MACROD2: variants seen among roughly 807,000 people sequenced by gnomAD.
MACROD2 encodes ADP-ribose glycohydrolase MACROD2.
In MACROD2, 36 loss-of-function variants were observed where a neutral mutation model predicts 70.4. That is an observed-to-expected ratio of 0.51 (90% CI 0.39 to 0.68). The LOEUF is 0.68. Ranked by LOEUF, MACROD2 falls within the 30% of genes least tolerant of loss-of-function variation. The probability of loss-of-function intolerance (pLI) is 0.00; values close to 1 mark genes in which losing one functional copy is unlikely to be tolerated. For missense variants in MACROD2, 496 were observed against 538.4 expected (o/e 0.92, Z 0.78); for synonymous variants, 172 against 178.8 (o/e 0.96, Z 0.30).
intron 3 of MACROD2, among the ~76,000 whole-genome samples, chr20:14,164,090 T>A (rs1339210459): frequency 6.6e-6 from 1 of 152,114 alleles, no homozygotes; most frequent in African/African-American, 2.4e-5. Flanking sequence ...TTTTTGAGTT[T>A]GCTTTATAGG....
chr20:15,436,196 G>C (rs1600408786), intron 7 of MACROD2, among the ~76,000 whole-genome samples: 1 of 151,674 alleles, frequency 6.6e-6, no homozygotes, highest in Non-Finnish European at 1.5e-5. Context: ...CCGTTTTCAT[G>C]CTGCCGATAA....
chr20:14,697,213 C>T (rs910261027), intron 5 of MACROD2, among the ~76,000 whole-genome samples: 5 of 152,242 alleles, frequency 3.3e-5, no homozygotes, highest in Non-Finnish European at 5.9e-5. Flanking sequence ...TCCATATGTC[C>T]GGGATATGTC....
intron 2 of MACROD2, among the ~76,000 whole-genome samples, chr20:14,046,499 G>T (rs764695080): frequency 5.9e-5 from 9 of 152,252 alleles, no homozygotes; most frequent in Non-Finnish European, 1.3e-4. Context: ...TGTCTAGTAA[G>T]TTTCAGTATG....
At chr20:14,959,638 G>A (rs2074566463) in intron 5 of MACROD2, among the ~76,000 whole-genome samples, 1 of 152,198 alleles carries the variant, frequency 6.6e-6, no homozygotes, top group African/African-American at 2.4e-5. Flanking sequence ...GGACGGGATG[G>A]CGTCCACACA....
intron 3 of MACROD2, among the ~76,000 whole-genome samples, chr20:14,097,829 C>T (rs951665881): frequency 6.6e-6 from 1 of 152,120 alleles, no homozygotes; most frequent in Non-Finnish European, 1.5e-5. Flanking sequence ...TACACATAGC[C>T]TGAAGGTATT....
intron 8 of MACROD2, among the ~76,000 whole-genome samples, chr20:15,822,861 T>C (rs917665608): frequency 6.6e-6 from 1 of 152,190 alleles, no homozygotes; most frequent in African/African-American, 2.4e-5. Context: ...AGGTGGATTA[T>C]CTACCTCAGT....
chr20:15,283,439 G>A (rs763186481), intron 6 of MACROD2, among the ~76,000 whole-genome samples: 7 of 152,140 alleles, frequency 4.6e-5, no homozygotes, highest in East Asian at 1.9e-4. Flanking sequence ...TTGGGAGGCC[G>A]AGGTGAGTGG....
chr20:15,426,619 G>GT lies in MACROD2; in HGVS notation c.541-4780dup, dbSNP rs200917755. 5.0e-3 allele frequency among the ~76,000 whole-genome samples: 750 copies of GT among 149,454 alleles called. 8 individuals carry two copies. The highest frequency in any genetic ancestry group is 0.014 in the African/African-American group (569 of 40,662). ...CCTCGGCCTCAAATGATTTTTTTTT[G>GT]TTTTTTGTTTTTGTCTCCCTAGAAT... On this transcript the variant is annotated intron_variant, in intron 6 of 17. Coordinates refer to ENST00000684519, the MANE Select transcript of MACROD2 (RefSeq NM_001351661.2).
intron 8 of MACROD2, among the ~76,000 whole-genome samples, chr20:15,593,655 C>T (rs1470695330): frequency 6.6e-6 from 1 of 152,180 alleles, no homozygotes; most frequent in Non-Finnish European, 1.5e-5. Flanking sequence ...AAATTTCACT[C>T]TTCAAGAGGT....
chr20:15,797,511 C>G (rs6131714), intron 8 of MACROD2, among the ~76,000 whole-genome samples: 49,327 of 152,032 alleles, frequency 0.32, 9,267 homozygotes, highest in African/African-American at 0.52. Context: ...GAGCTCAAGG[C>G]TCATCATCGG....
At position 14,019,374 on chromosome 20, in the gene MACROD2, C is replaced by T. The variant is rs181788874; in HGVS notation, c.163+16970C>T. On this transcript the variant is annotated intron_variant, in intron 2 of 17. Transcript: ENST00000684519. ...GCAACCTCTGCCTCCTGGGTTCAAG[C>T]GTTTCTCCTGTCTCAGCCTTCTGAG... is the stretch of plus-strand genomic sequence containing the variant. Among the ~76,000 whole-genome samples, 8 of 152,232 alleles carry T rather than the reference C, an allele frequency of 5.3e-5. No homozygotes were observed. In the East Asian group the frequency reaches 7.7e-4, roughly 15 times the overall value.
At chr20:14,961,790 A>G (rs2074585647) in intron 5 of MACROD2, among the ~76,000 whole-genome samples, 1 of 152,152 alleles carries the variant, frequency 6.6e-6, no homozygotes, top group African/African-American at 2.4e-5. Flanking sequence ...GAATTTTTAG[A>G]CTTACAGAAA....
chr20:14,312,838 G>C (rs2122523060), intron 3 of MACROD2, among the ~76,000 whole-genome samples: 1 of 152,336 alleles, frequency 6.6e-6, no homozygotes, highest in African/African-American at 2.4e-5. Context: ...GGTAGAAGCA[G>C]TGTGGTTTGA....
At chr20:15,889,875 C>G (rs1373956779) in intron 10 of MACROD2, among the ~76,000 whole-genome samples, 2 of 152,058 alleles carry the variant, frequency 1.3e-5, no homozygotes, top group African/African-American at 4.8e-5. Context: ...ACAGGGCAAG[C>G]TAGAAAACAT....
intron 5 of MACROD2, among the ~76,000 whole-genome samples, chr20:14,957,413 T>G (rs983650007): frequency 2.0e-5 from 3 of 152,162 alleles, no homozygotes; most frequent in African/African-American, 7.2e-5. Flanking sequence ...CGAGTACTAA[T>G]AAGAACAGGC....
chr20:15,760,380 T>C (rs915673717), intron 8 of MACROD2, among the ~76,000 whole-genome samples: 1 of 152,200 alleles, frequency 6.6e-6, no homozygotes, highest in Non-Finnish European at 1.5e-5. Context: ...GGCTCTGCTA[T>C]GTTGAGAAGT....
At chr20:14,092,165 G>A (rs1056967194) in intron 3 of MACROD2, among the ~76,000 whole-genome samples, 5 of 152,034 alleles carry the variant, frequency 3.3e-5, no homozygotes, top group African/African-American at 1.2e-4. Context: ...AGCTAATCAT[G>A]TTTTTTGATA....
chr20:15,797,145 G>A (rs796552104), intron 8 of MACROD2, among the ~76,000 whole-genome samples: 11 of 152,010 alleles, frequency 7.2e-5, no homozygotes, highest in African/African-American at 2.7e-4. Context: ...ATGGAGTCTC[G>A]CTCTGTTGCC....
intron 6 of MACROD2, among the ~76,000 whole-genome samples, chr20:15,324,396 C>A (rs1334363746): frequency 6.6e-6 from 1 of 152,168 alleles, no homozygotes; most frequent in Non-Finnish European, 1.5e-5. Flanking sequence ...GTATACAACA[C>A]CCCAATTCAG....
Sources: gnomAD v4.1 joint callset for allele counts (sites outside exome capture counted in the v4.1 genomes callset) on GRCh38, gnomAD v4.1.1 for gene constraint, MANE v1.5 for transcripts, NCBI Gene and HGNC (gene_info 2026-07-23, HGNC 2026-07-21) for gene names.